Variants in LMTK3 observed in about 807,000 individuals in gnomAD.
LMTK3 encodes lemur tail kinase 3, also known as serine/threonine-protein kinase LMTK3.
In LMTK3, 27 loss-of-function variants were observed where a neutral mutation model predicts 116.7. The observed-to-expected ratio is 0.23, with a 90% CI of 0.17 to 0.32. The LOEUF is 0.32. Among genes scored for constraint, LMTK3 ranks in the 10% least tolerant of loss-of-function variants. LMTK3 has a pLI of 1.00. For synonymous variants in LMTK3, 965 were observed against 971.0 expected (o/e 0.99, Z 0.11); for missense variants, 1,764 against 2,068.5 (o/e 0.85, Z 2.86).
chr19:48,486,448 AC>A (rs760788028), intron 14 of LMTK3, among the ~76,000 whole-genome samples: 1 of 151,856 alleles, frequency 6.6e-6, no homozygotes, highest in African/African-American at 2.4e-5. Context: ...TCAAGCAGTC[AC>A]CCCTGCACGC....
intron 12 of LMTK3, 65 bp downstream of exon 12, chr19:48,493,629 C>T (rs551996138): frequency 2.0e-6 from 3 of 1,499,380 alleles, no homozygotes; most frequent in East Asian, 2.7e-5. Context: ...CAGGCCCTTC[C>T]CGGCTCTAGG....
chr19:48,486,130 G>A (rs1438057638), intron 14 of LMTK3, among the ~76,000 whole-genome samples: 2 of 129,486 alleles, frequency 1.5e-5, no homozygotes, highest in Admixed American at 8.6e-5. Context: ...CGCGATCTCG[G>A]CTCACTGCAA....
At chr19:48,502,322 T>G in intron 7 of LMTK3, 111 bp downstream of exon 7, 2 of 1,315,312 alleles carry the variant, frequency 1.5e-6, no homozygotes, top group South Asian at 1.4e-5. Flanking sequence ...TTCGTCCCTA[T>G]TTTGTGTCAG....
chr19:48,504,167 C>G (rs1490340606), intron 5 of LMTK3, among the ~76,000 whole-genome samples: 1 of 152,222 alleles, frequency 6.6e-6, no homozygotes, highest in African/African-American at 2.4e-5. Context: ...CGCACCCTGC[C>G]TGCACCTACG....
At chr19:48,510,357 T>C (rs1253942652) in intron 2 of LMTK3, 102 bp downstream of exon 2, 1 of 1,477,118 alleles carries the variant, frequency 6.8e-7, no homozygotes, top group East Asian at 2.5e-5. Flanking sequence ...TGGAAGGTGC[T>C]CTCGGATTTA....
chr19:48,490,524 CAAAAAAAAAAAA>C (rs397860073), intron 14 of LMTK3, among the ~76,000 whole-genome samples: 1 of 48,082 alleles, frequency 2.1e-5, no homozygotes, highest in South Asian at 7.4e-4. Flanking sequence ...GACTCCGTCT[CAAAAAAAAAAAA>C]AAAAAAAAAA....
chr19:48,505,389 C>T (rs1569106451), intron 5 of LMTK3, among the ~76,000 whole-genome samples: 1 of 151,482 alleles, frequency 6.6e-6, no homozygotes, highest in South Asian at 2.1e-4. Context: ...ACTGAGATTA[C>T]AGGTGTGAGC....
intron 5 of LMTK3, among the ~76,000 whole-genome samples, chr19:48,506,681 T>G (rs970712796): frequency 6.6e-6 from 1 of 152,142 alleles, no homozygotes; most frequent in Non-Finnish European, 1.5e-5. Flanking sequence ...GTGTTGTTAT[T>G]GTTGTTGTTT....
rs977067360 is a variant in LMTK3 at position 48,491,467 on chromosome 19, G to A, written c.4165C>T (p.Pro1389Ser). 5 of 1,417,912 alleles carry A rather than the reference G, an allele frequency of 3.5e-6. No homozygotes were observed. Among genetic ancestry groups the A allele is most frequent in the South Asian group, 3.1e-5 (2 of 63,842 alleles). 87.8% of individuals were successfully genotyped at this position (1,417,912 alleles called of 1,614,324 possible). The change falls in exon 13 of 15, where the codon CCC becomes TCC. Residue 1389 changes from proline to serine, a missense_variant. This residue lies in a region of LMTK3 where 281 missense variants were observed against 301.4 expected (regional missense o/e 0.93). Coordinates refer to ENST00000600059, the MANE Select transcript of LMTK3 (RefSeq NM_001388485.1). The surrounding 1 kb of genome is among the most constrained non-coding windows in gnomAD (Gnocchi z 5.1). ...GTGGCGGGGTGGGGAGGTGTCGGGG[G>A]CGCTGGAGGCGTTGACGGGTCCGTG... ...GDTDPSTPPA[P>S]PTPPHPATPG...
chr19:48,490,634 C>T (rs894753526), intron 14 of LMTK3, among the ~76,000 whole-genome samples: 3 of 152,104 alleles, frequency 2.0e-5, no homozygotes, highest in Admixed American at 2.0e-4. Context: ...AGGGTCCACG[C>T]GAGAGCAGCG....
intron 14 of LMTK3, among the ~76,000 whole-genome samples, chr19:48,486,553 T>TTTA (rs761906259): frequency 2.6e-5 from 4 of 151,982 alleles, no homozygotes; most frequent in Non-Finnish European, 5.9e-5. Context: ...GCTGCTTTGT[T>TTTA]TTGAGATGGA....
At chr19:48,512,486 A>C (rs1972678939), upstream of LMTK3, among the ~76,000 whole-genome samples, 1 of 152,194 alleles carries the variant, frequency 6.6e-6, no homozygotes, top group African/African-American at 2.4e-5. Context: ...GTCCCTAGAC[A>C]AATGGGCAAC....
chr19:48,496,583 G>A (rs954710085), intron 11 of LMTK3, among the ~76,000 whole-genome samples: 4 of 152,224 alleles, frequency 2.6e-5, no homozygotes, highest in Non-Finnish European at 5.9e-5. Context: ...ACAGGCATGA[G>A]CCACCCACCA....
chr19:48,499,606 GC>G lies in LMTK3; in HGVS notation c.1462del (p.Ala488ProfsTer47). On this transcript the variant is annotated frameshift_variant, in exon 11 of 15. Transcript: ENST00000600059. LOFTEE classifies it high-confidence loss of function. The part of the protein sequence containing the change: ...ECLWEKARRG[A>X]GRGGGAPAWQ... ...GGCAGGTGCCCCCCCACCCCGGCCGGCCCCACGCCGGGCCTTCTCCCACAGG... is the reference window on the plus strand; with the variant it reads ...GGCAGGTGCCCCCCCACCCCGGCCGGCCCACGCCGGGCCTTCTCCCACAGG... 1 of 1,540,196 alleles carries G rather than the reference GC, an allele frequency of 6.5e-7. No individual in the cohort carries two copies. Among genetic ancestry groups the G allele is most frequent in the Non-Finnish European group, 8.7e-7 (1 of 1,143,194 alleles).
Position 48,500,343 on chromosome 19 carries a change from G to C in LMTK3, c.1152-426C>G, listed in dbSNP as rs1400082730. ...GGAGGCTGAGGCAGGAGAACCGCTT[G>C]AACCCGGGAGGCGGAGGTTGCAGTG... On this transcript the variant is annotated intron_variant, in intron 10 of 14. Transcript: ENST00000600059. The surrounding 1 kb of genome is among the most constrained non-coding windows in gnomAD (Gnocchi z 4.0). 1.3e-5 allele frequency among the ~76,000 whole-genome samples: 2 copies of C among 152,198 alleles called. No homozygotes were observed. The highest frequency in any genetic ancestry group is 4.8e-5 in the African/African-American group (2 of 41,442).
At chr19:48,512,842 A>C (rs951422956), upstream of LMTK3, among the ~76,000 whole-genome samples, 1 of 152,186 alleles carries the variant, frequency 6.6e-6, no homozygotes, top group Non-Finnish European at 1.5e-5. Flanking sequence ...ACACTGATAC[A>C]TACAGACACA....
intron 14 of LMTK3, among the ~76,000 whole-genome samples, chr19:48,490,130 T>C (rs962567474): frequency 2.6e-5 from 4 of 152,162 alleles, no homozygotes; most frequent in Non-Finnish European, 5.9e-5. Flanking sequence ...TGACCAATGT[T>C]CACTACTGGA....
At chr19:48,501,645 C>A in intron 7 of LMTK3, 83 bp from the exon 8 acceptor site, 1 of 1,328,808 alleles carries the variant, frequency 7.5e-7, no homozygotes, top group South Asian at 1.3e-5. Flanking sequence ...TGACTCCACC[C>A]CTCCCATGAC....
At chr19:48,508,182 G>A (rs1047145004) in intron 5 of LMTK3, among the ~76,000 whole-genome samples, 16 of 152,148 alleles carry the variant, frequency 1.1e-4, no homozygotes, top group Non-Finnish European at 1.8e-4. Flanking sequence ...GGGCTGTCAG[G>A]AGGACCAGAT....
Sources: allele counts gnomAD v4.1 joint callset (sites outside exome capture counted in the v4.1 genomes callset), GRCh38; gene constraint gnomAD v4.1.1; regional missense constraint gnomAD v4.1.1; non-coding constraint Gnocchi (gnomAD v3.1); transcripts MANE v1.5; gene names NCBI Gene and HGNC (gene_info 2026-07-23, HGNC 2026-07-21).